The following SLC8A1 variants were observed in gnomAD, a reference collection of about 807,000 sequenced individuals.
SLC8A1 encodes the protein solute carrier family 8 member A1.
Under a neutral mutation model 68.3 loss-of-function variants are expected in SLC8A1, and 18 were observed. The ratio of observed to expected loss-of-function variants is 0.26; its 90% confidence interval spans 0.18 to 0.39. SLC8A1 has a LOEUF of 0.39. Ranked by LOEUF, SLC8A1 falls within the 10% of genes least tolerant of loss-of-function variation. The pLI is 1.00. For synonymous variants in SLC8A1, 475 were observed against 415.5 expected, an observed-to-expected ratio of 1.14 and a Z score of -1.74; for missense variants, 985 against 1,156.7, an observed-to-expected ratio of 0.85 and a Z score of 2.15.
chr2:40,290,008 G>A (rs530332426), intron 2 of SLC8A1, among the ~76,000 whole-genome samples: 20 of 152,190 alleles, frequency 1.3e-4, no homozygotes, highest in Admixed American at 2.6e-4. Flanking sequence ...TCTTGAGCAA[G>A]TGTTTCATTG....
chr2:40,142,749 G>C (rs537024953), intron 6 of SLC8A1, among the ~76,000 whole-genome samples: 22 of 152,254 alleles, frequency 1.4e-4, no homozygotes, highest in African/African-American at 4.8e-4. Context: ...AAGTGTCTGA[G>C]AATATTTCAA....
chr2:40,157,845 A>G (rs2044859178), intron 6 of SLC8A1, among the ~76,000 whole-genome samples: 1 of 152,178 alleles, frequency 6.6e-6, no homozygotes, highest in South Asian at 2.1e-4. Context: ...ATCGCTTCCT[A>G]ATCTCTGGAT....
intron 2 of SLC8A1, among the ~76,000 whole-genome samples, chr2:40,191,590 C>A (rs1397009582): frequency 6.6e-6 from 1 of 152,068 alleles, no homozygotes; most frequent in African/African-American, 2.4e-5. Flanking sequence ...TTTATAGAAC[C>A]AGAGCAGGTT....
chr2:40,137,243 C>T (rs1391271329), intron 7 of SLC8A1, among the ~76,000 whole-genome samples: 1 of 152,114 alleles, frequency 6.6e-6, no homozygotes, highest in African/African-American at 2.4e-5. Context: ...TTAGAAAAAG[C>T]CAGCTTGAGG....
At chr2:40,252,978 T>TAC (rs2063106880) in intron 2 of SLC8A1, among the ~76,000 whole-genome samples, 1 of 144,146 alleles carries the variant, frequency 6.9e-6, no homozygotes, top group East Asian at 2.0e-4. Context: ...TGTACATATA[T>TAC]GTATCTGTAT....
chr2:40,115,003 G>C lies in SLC8A1; in HGVS notation c.*250C>G, dbSNP rs72558069. 3.0e-4 allele frequency: 74 copies of C among 245,284 alleles called. 1 individual carries two copies. The East Asian group carries it at 4.6e-3, about 15-fold the overall frequency. 15.2% of individuals were successfully genotyped at this position (245,284 alleles called of 1,614,324 possible). On this transcript the variant is annotated 3_prime_UTR_variant, in exon 8 of 8. Coordinates refer to ENST00000406785, the Ensembl canonical transcript of SLC8A1. The stretch of plus-strand genomic sequence containing the variant: ...AAAGCCTTAAGGATTTATCAACCTG[G>C]AGAGAGTGCAGCCCTTCTAGACTGA...
At chr2:40,150,674 C>T (rs2043256399) in intron 6 of SLC8A1, among the ~76,000 whole-genome samples, 1 of 152,272 alleles carries the variant, frequency 6.6e-6, no homozygotes, top group Non-Finnish European at 1.5e-5. Context: ...TTCTAGAGCC[C>T]TTCAATACGG....
chr2:40,214,335 C>T (rs2057105875), intron 2 of SLC8A1, among the ~76,000 whole-genome samples: 1 of 152,128 alleles, frequency 6.6e-6, no homozygotes, highest in South Asian at 2.1e-4. Flanking sequence ...GGAGAGTTGC[C>T]CTCAACCCCG....
At chr2:40,115,118 A>G (rs2035081556) in exon 8 of SLC8A1, 2 of 615,950 alleles carry the variant, frequency 3.2e-6, no homozygotes, top group Non-Finnish European at 4.8e-6. Flanking sequence ...CGGCCCTAGT[A>G]CAGAGTATGC....
intron 1 of SLC8A1, among the ~76,000 whole-genome samples, chr2:40,489,481 A>G (rs1705182785): frequency 6.6e-6 from 1 of 152,122 alleles, no homozygotes; most frequent in Non-Finnish European, 1.5e-5. Context: ...CTTTTCACCC[A>G]CCGAAAAGTC....
intron 2 of SLC8A1, among the ~76,000 whole-genome samples, chr2:40,387,629 G>A (rs1683978373): frequency 6.6e-6 from 1 of 151,244 alleles, no homozygotes; most frequent in African/African-American, 2.5e-5. Context: ...AGACTTATCA[G>A]GAGGATATTA....
chr2:40,250,175 C>T (rs2062516703), intron 2 of SLC8A1: 1 of 152,068 alleles, frequency 6.6e-6, no homozygotes, highest in Non-Finnish European at 1.5e-5. Flanking sequence ...TAAGTAAATA[C>T]TATTTTATAA....
At chr2:40,187,567 A>G (rs2050925534) in intron 2 of SLC8A1, among the ~76,000 whole-genome samples, 1 of 152,218 alleles carries the variant, frequency 6.6e-6, no homozygotes, top group Non-Finnish European at 1.5e-5. Context: ...TTCCTCTGCC[A>G]ACTATGGAAA....
intron 1 of SLC8A1, among the ~76,000 whole-genome samples, chr2:40,490,931 A>G (rs569710231): frequency 3.3e-5 from 5 of 152,244 alleles, no homozygotes; most frequent in African/African-American, 1.2e-4. Context: ...AAGAATTGAC[A>G]AGCAATATTT....
intron 1 of SLC8A1, among the ~76,000 whole-genome samples, chr2:40,509,480 A>C (rs544689718): frequency 8.5e-6 from 1 of 117,032 alleles, no homozygotes; most frequent in East Asian, 2.4e-4. Flanking sequence ...TGCCAATGAT[A>C]TCTTTTCCCT....
At chr2:40,446,715 G>A (rs1701513624) in intron 1 of SLC8A1, 1 of 152,180 alleles carries the variant, frequency 6.6e-6, no homozygotes, top group African/African-American at 2.4e-5. Context: ...TTACTTGTTA[G>A]CCCTTGGCCC....
chr2:40,121,106 G>A (rs773592233), intron 7 of SLC8A1, among the ~76,000 whole-genome samples: 21 of 152,188 alleles, frequency 1.4e-4, no homozygotes, highest in Non-Finnish European at 2.8e-4. Flanking sequence ...GGATGTCGAA[G>A]GGGCTTTACT....
At chr2:40,356,347 T>G (rs1267950420) in intron 2 of SLC8A1, among the ~76,000 whole-genome samples, 1 of 152,196 alleles carries the variant, frequency 6.6e-6, no homozygotes, top group East Asian at 1.9e-4. Context: ...AATCAAGGTA[T>G]GAAAAACCAA....
intron 2 of SLC8A1, among the ~76,000 whole-genome samples, chr2:40,237,474 C>A (rs545167072): frequency 2.8e-4 from 42 of 152,210 alleles, no homozygotes; most frequent in Non-Finnish European, 2.1e-4. Flanking sequence ...TTAAGCATTT[C>A]TCTGTATTGG....
Sources: gnomAD v4.1 joint callset for allele counts (sites outside exome capture counted in the v4.1 genomes callset) on GRCh38, gnomAD v4.1.1 for gene constraint, MANE v1.5 for transcripts, NCBI Gene and HGNC (gene_info 2026-07-23, HGNC 2026-07-21) for gene names.